LRRC39: variants seen among roughly 807,000 people sequenced by gnomAD.
LRRC39 encodes the protein leucine-rich repeat-containing protein 39.
LRRC39 carries 35 observed loss-of-function variants against 39.7 expected under a neutral mutation model. That is an observed-to-expected ratio of 0.88 (90% CI 0.67 to 1.17). LRRC39 has a LOEUF of 1.17. LRRC39 is among the 50% of genes most tolerant of loss of function. LRRC39 has a pLI of 0.00. For missense variants in LRRC39, 357 were observed against 385.8 expected, an observed-to-expected ratio of 0.93 and a Z score of 0.62; for synonymous variants, 113 against 134.1, an observed-to-expected ratio of 0.84 and a Z score of 1.09.
chr1:100,158,626 C>T (rs912864532), intron 5 of LRRC39, among the ~76,000 whole-genome samples: 2 of 151,894 alleles, frequency 1.3e-5, no homozygotes, highest in Non-Finnish European at 2.9e-5. Context: ...TTAGTAGAGA[C>T]GGGGTTTCAC....
chr1:100,153,816 C>T (rs574429823), intron 8 of LRRC39, among the ~76,000 whole-genome samples: 15 of 151,986 alleles, frequency 9.9e-5, no homozygotes, highest in Non-Finnish European at 1.5e-4. Flanking sequence ...AGTACAGTGG[C>T]GCAATCTTGG....
chr1:100,178,830 C>T (rs774732092), upstream of LRRC39, among the ~76,000 whole-genome samples: 4 of 152,276 alleles, frequency 2.6e-5, no homozygotes, highest in Non-Finnish European at 5.9e-5. Context: ...CCATCCCCCA[C>T]CCCTTCCACC....
chr1:100,178,572 A>C (rs892573413), upstream of LRRC39, among the ~76,000 whole-genome samples: 57 of 152,284 alleles, frequency 3.7e-4, no homozygotes, highest in African/African-American at 1.3e-3. Context: ...TGGATCTGCA[A>C]ATATTTGAAC....
intron 1 of LRRC39, among the ~76,000 whole-genome samples, chr1:100,176,012 C>T (rs1216129586): frequency 6.6e-6 from 1 of 152,118 alleles, no homozygotes; most frequent in Non-Finnish European, 1.5e-5. Context: ...AGCTTATGAT[C>T]CAGCAATTCC....
At chr1:100,162,099 C>A (rs1254562199) in intron 3 of LRRC39, among the ~76,000 whole-genome samples, 1 of 151,958 alleles carries the variant, frequency 6.6e-6, no homozygotes, top group Non-Finnish European at 1.5e-5. Context: ...CTAGTGGGTG[C>A]GAATGGTATC....
chr1:100,154,919 G>T, intron 8 of LRRC39, 132 bp downstream of exon 8: 2 of 777,468 alleles, frequency 2.6e-6, no homozygotes. Flanking sequence ...TGTCAACATT[G>T]GAAAAGATTT....
chr1:100,155,012 AAAGC>A, intron 8 of LRRC39, 35 bp downstream of exon 8: 1 of 1,519,758 alleles, frequency 6.6e-7, no homozygotes, highest in South Asian at 1.3e-5. Context: ...AGCCAGAAAG[AAAGC>A]AAGGTTTTTC....
intron 3 of LRRC39, among the ~76,000 whole-genome samples, chr1:100,161,702 A>G (rs994174403): frequency 6.6e-6 from 1 of 152,200 alleles, no homozygotes; most frequent in African/African-American, 2.4e-5. Flanking sequence ...GCAGGAGTGC[A>G]GTGGCACCAT....
chr1:100,168,346 A>G (rs1376711228), intron 3 of LRRC39, 58 bp downstream of exon 3: 7 of 1,256,422 alleles, frequency 5.6e-6, no homozygotes, highest in Non-Finnish European at 7.7e-6. Context: ...GCTCTTTTTT[A>G]TGGTGATGAT....
At chr1:100,179,053 T>G (rs1660128073), upstream of LRRC39, among the ~76,000 whole-genome samples, 1 of 152,202 alleles carries the variant, frequency 6.6e-6, no homozygotes, top group African/African-American at 2.4e-5. Context: ...TTTTCTTCAC[T>G]CAGGATATCT....
At chr1:100,177,067 A>G (rs1490920285) in intron 1 of LRRC39, among the ~76,000 whole-genome samples, 1 of 152,202 alleles carries the variant, frequency 6.6e-6, no homozygotes, top group Middle Eastern at 3.2e-3. Context: ...GAGAGAAGCT[A>G]AAAATAGGGA....
intron 1 of LRRC39, among the ~76,000 whole-genome samples, chr1:100,173,698 A>G (rs1659779500): frequency 6.6e-6 from 1 of 152,200 alleles, no homozygotes; most frequent in Non-Finnish European, 1.5e-5. Flanking sequence ...TTTCATGAGT[A>G]CAATTATGAA....
chr1:100,176,769 A>G (rs963934968), intron 1 of LRRC39, among the ~76,000 whole-genome samples: 3 of 152,242 alleles, frequency 2.0e-5, no homozygotes, highest in African/African-American at 7.2e-5. Context: ...GAAATTACAT[A>G]GTAAAGTCTA....
At chr1:100,156,424 A>T in intron 6 of LRRC39, 107 bp from the exon 7 acceptor site, 1 of 1,130,908 alleles carries the variant, frequency 8.8e-7, no homozygotes, top group Non-Finnish European at 1.2e-6. Flanking sequence ...TTCACATTTT[A>T]CTTGGGCTTT....
rs1225308160 is a variant in LRRC39 at position 100,168,492 on chromosome 1, C to G, written c.25G>C (p.Gly9Arg). The G allele has an allele frequency of 6.2e-7, 1 of 1,610,250 alleles. No individual in the cohort carries two copies. Among genetic ancestry groups the G allele is most frequent in the Non-Finnish European group, 8.5e-7 (1 of 1,179,130 alleles). Residue 9 changes from glycine to arginine, a missense_variant, in exon 3 of 10, where the codon GGG (glycine) becomes CGG (arginine). Gly to Arg is a moderately radical substitution (Grantham distance 125). Transcript: ENST00000370137. ...ACTTCCTTTACAGCATTGACAGCCC[C>G]AGTACAAACCACATTTTCTGTCATG... MTENVVCTGAVNAVKEVWE... is the reference protein window; with the variant it reads MTENVVCTRAVNAVKEVWE...
At chr1:100,157,523 A>C (rs1658557624) in intron 6 of LRRC39, among the ~76,000 whole-genome samples, 1 of 152,176 alleles carries the variant, frequency 6.6e-6, no homozygotes, top group Non-Finnish European at 1.5e-5. Flanking sequence ...CATTTCATTA[A>C]ATTGAACTAT....
In LRRC39 at chr1:100,156,334, G is replaced by A. The variant is rs1658445703; in HGVS notation, c.514-17C>T. ...ATTGCTGAGCTGAAGAAGAAAGCAA[G>A]GTTTTTCAAAATAAATGTCCACAAT... On this transcript the variant is annotated splice_polypyrimidine_tract_variant and intron_variant, in intron 6 of 9. Coordinates refer to ENST00000370137, the MANE Select transcript of LRRC39 (RefSeq NM_144620.4). The A allele has an allele frequency of 6.3e-7, 1 of 1,578,378 alleles. No homozygotes were observed. The highest frequency in any genetic ancestry group is 8.6e-7 in the Non-Finnish European group (1 of 1,157,488).
At chr1:100,177,183 GA>G (rs1160772991) in intron 1 of LRRC39, among the ~76,000 whole-genome samples, 5 of 150,904 alleles carry the variant, frequency 3.3e-5, no homozygotes, top group African/African-American at 1.2e-4. Context: ...CTTTGAAAAA[GA>G]AAAAAAAGAG....
At chr1:100,150,720 A>G (rs1420237483) in intron 9 of LRRC39, among the ~76,000 whole-genome samples, 2 of 152,228 alleles carry the variant, frequency 1.3e-5, no homozygotes, top group Non-Finnish European at 2.9e-5. Flanking sequence ...ACTGTGGGAT[A>G]TGCATACAGC....
Sources: allele counts gnomAD v4.1 joint callset (sites outside exome capture counted in the v4.1 genomes callset), GRCh38; gene constraint gnomAD v4.1.1; transcripts MANE v1.5; gene names NCBI Gene and HGNC (gene_info 2026-07-23, HGNC 2026-07-21).